Variants in BBS9 observed in about 807,000 individuals in gnomAD.
The protein encoded by BBS9 is protein PTHB1.
Under a neutral mutation model 117.7 loss-of-function variants are expected in BBS9, and 89 were observed. The observed-to-expected ratio is 0.76, with a 90% confidence interval of 0.64 to 0.90. BBS9 has a LOEUF of 0.90. BBS9 is among the 40% of genes least tolerant of loss of function. BBS9 has a pLI of 0.00. For missense variants in BBS9, 982 were observed against 1,042.2 expected (o/e 0.94, Z 0.80); for synonymous variants, 379 against 370.9 (o/e 1.02, Z -0.25).
chr7:33,157,243 G>A (rs1157979641), intron 4 of BBS9, among the ~76,000 whole-genome samples: 8 of 152,130 alleles, frequency 5.3e-5, no homozygotes, highest in Non-Finnish European at 7.4e-5. Context: ...GATAAAAAGT[G>A]TACTTATCAG....
At chr7:33,334,347 G>A (rs1331103268) in intron 9 of BBS9, among the ~76,000 whole-genome samples, 1 of 152,198 alleles carries the variant, frequency 6.6e-6, no homozygotes, top group Non-Finnish European at 1.5e-5. Context: ...AAATGGAAAT[G>A]CCTGTTTGAA....
At chr7:33,506,534 A>G (rs1351525532) in intron 20 of BBS9, among the ~76,000 whole-genome samples, 1 of 152,164 alleles carries the variant, frequency 6.6e-6, no homozygotes, top group African/African-American at 2.4e-5. Context: ...TGAGGTAGTT[A>G]AAGTACTGTT....
At chr7:33,395,384 C>G (rs1286284373) in intron 19 of BBS9, among the ~76,000 whole-genome samples, 1 of 152,142 alleles carries the variant, frequency 6.6e-6, no homozygotes, top group Non-Finnish European at 1.5e-5. Context: ...CAAAGCAAGA[C>G]TGATTGGTTG....
intron 5 of BBS9, among the ~76,000 whole-genome samples, chr7:33,194,561 A>G (rs998141282): frequency 6.6e-6 from 1 of 151,902 alleles, no homozygotes. Context: ...TGAAAAACGA[A>G]TGTTCATCAT....
chr7:33,190,484 A>T (rs1461020562), intron 5 of BBS9, among the ~76,000 whole-genome samples: 1 of 151,932 alleles, frequency 6.6e-6, no homozygotes, highest in African/African-American at 2.4e-5. Context: ...AAAACTGAAG[A>T]CTCCCTTGGT....
chr7:33,339,577 T>C (rs1054756889), intron 10 of BBS9, among the ~76,000 whole-genome samples: 9 of 152,220 alleles, frequency 5.9e-5, no homozygotes, highest in African/African-American at 2.2e-4. Context: ...TCAGCCATCC[T>C]CAGAGTGTGG....
chr7:33,488,168 G>C lies in BBS9; in HGVS notation c.2116-17295G>C, dbSNP rs77813453. The stretch of plus-strand genomic sequence containing the variant: ...ATTAATTTTTTTATGCTACATCTGT[G>C]TTTCCATTTTCTTCTGTGCTGTCCA... On this transcript the variant is annotated intron_variant, in intron 19 of 22. Transcript: ENST00000242067. Among the ~76,000 whole-genome samples, 275 of 152,166 alleles carry C rather than the reference G, an allele frequency of 1.8e-3. 6 individuals carry two copies. In the East Asian group the frequency reaches 0.049, roughly 27 times the overall value.
intron 21 of BBS9, among the ~76,000 whole-genome samples, chr7:33,546,555 T>C (rs73109620): frequency 0.096 from 14,559 of 152,324 alleles, 802 homozygotes; most frequent in African/African-American, 0.14. Context: ...AAATACTATG[T>C]TATTTTACTA....
At chr7:33,632,596 C>T (rs1865944889) in intron 21 of BBS9, among the ~76,000 whole-genome samples, 1 of 152,114 alleles carries the variant, frequency 6.6e-6, no homozygotes, top group South Asian at 2.1e-4. Flanking sequence ...TTCCCTGTCC[C>T]AGAATGACCC....
chr7:33,619,116 T>A (rs1013566055), intron 21 of BBS9, among the ~76,000 whole-genome samples: 14 of 152,142 alleles, frequency 9.2e-5, no homozygotes, highest in African/African-American at 3.4e-4. Flanking sequence ...AGATTCACTT[T>A]ACCTTTAAAA....
rs540652218 is a variant in BBS9 at position 33,211,317 on chromosome 7, G to A, written c.442+33726G>A. 3.4e-4 allele frequency among the ~76,000 whole-genome samples: 51 copies of A among 151,820 alleles called. 1 individual carries two copies. The South Asian group carries it at 0.011, about 32-fold the overall frequency. ...TTTAATTTCTTGCTTTTTTGTGTGT[G>A]TGTATCTCTTGTATGTTTTTGATTT... On this transcript the variant is annotated intron_variant, in intron 5 of 22. Transcript: ENST00000242067.
intron 19 of BBS9, among the ~76,000 whole-genome samples, chr7:33,492,623 T>C (rs1844144354): frequency 6.6e-6 from 1 of 152,152 alleles, no homozygotes; most frequent in Admixed American, 6.5e-5. Flanking sequence ...AGGACTTGAA[T>C]GTTGTTCTGA....
intron 21 of BBS9, among the ~76,000 whole-genome samples, chr7:33,574,568 T>G (rs1858387215): frequency 6.6e-6 from 1 of 151,976 alleles, no homozygotes. Context: ...CTTTTATTTT[T>G]TTCCCCTGCC....
At chr7:33,147,317 T>G (rs1286428058) in intron 2 of BBS9, among the ~76,000 whole-genome samples, 1 of 152,236 alleles carries the variant, frequency 6.6e-6, no homozygotes, top group African/African-American at 2.4e-5. Context: ...AACTATTCTT[T>G]TGTTTACTGC....
intron 21 of BBS9, among the ~76,000 whole-genome samples, chr7:33,568,485 T>C (rs888394912): frequency 3.3e-5 from 5 of 152,220 alleles, no homozygotes; most frequent in Admixed American, 2.0e-4. Context: ...TTCTAGACTG[T>C]AAGTTCCTTA....
intron 19 of BBS9, among the ~76,000 whole-genome samples, chr7:33,442,766 T>A (rs1031977785): frequency 1.3e-5 from 2 of 152,192 alleles, no homozygotes; most frequent in Non-Finnish European, 2.9e-5. Context: ...ATCACCTTTT[T>A]TTTGGTCTCA....
At chr7:33,362,948 T>C (rs1201269726) in intron 16 of BBS9, among the ~76,000 whole-genome samples, 1 of 152,182 alleles carries the variant, frequency 6.6e-6, no homozygotes, top group Non-Finnish European at 1.5e-5. Context: ...TTCATTTATT[T>C]AGGGTCTATT....
intron 21 of BBS9, among the ~76,000 whole-genome samples, chr7:33,583,707 A>G (rs1860402782): frequency 6.6e-6 from 1 of 152,174 alleles, no homozygotes; most frequent in East Asian, 1.9e-4. Context: ...TTTACAGAGG[A>G]AGTGACCTGG....
intron 7 of BBS9, among the ~76,000 whole-genome samples, chr7:33,269,835 C>T (rs1266650842): frequency 6.6e-6 from 1 of 151,792 alleles, no homozygotes; most frequent in Non-Finnish European, 1.5e-5. Flanking sequence ...CCATCCTGGC[C>T]AACATGGTGA....
Sources: gnomAD v4.1 joint callset for allele counts (sites outside exome capture counted in the v4.1 genomes callset) on GRCh38, gnomAD v4.1.1 for gene constraint, MANE v1.5 for transcripts, NCBI Gene and HGNC (gene_info 2026-07-23, HGNC 2026-07-21) for gene names.